Variants in CLTCL1 observed in about 807,000 individuals in gnomAD.
The protein encoded by CLTCL1 is clathrin heavy chain like 1, also known as clathrin heavy chain 2.
A neutral mutation model predicts 190.0 loss-of-function variants in CLTCL1; 159 were observed. The observed-to-expected ratio is 0.84, with a 90% CI of 0.74 to 0.95. The LOEUF (loss-of-function observed/expected upper bound fraction) is 0.95, where lower values mean the gene tolerates loss of function less well. CLTCL1 is among the 40% of genes least tolerant of loss of function. The probability of loss-of-function intolerance (pLI) is 0.00; values close to 1 mark genes in which losing one functional copy is unlikely to be tolerated. For synonymous variants in CLTCL1, 752 were observed against 769.6 expected (o/e 0.98, Z 0.38); for missense variants, 1,878 against 2,033.4 (o/e 0.92, Z 1.47).
At position 19,239,334 on chromosome 22, in the gene CLTCL1, TC is replaced by T; in HGVS notation, c.735del (p.Ala247GlnfsTer2). ...QPAAGNQPFVKKAVDVFFPPE... is the reference protein window; with the variant it reads ...QPAAGNQPFVXKAVDVFFPPE... ...GGAGGAAAAAACACATCTACTGCTT[TC>T]TTTACAAAAGGTTGGTTTCCCGCTG... On this transcript the variant is annotated frameshift_variant, in exon 5 of 33. Transcript: ENST00000427926. LOFTEE classifies it high-confidence loss of function. The T allele has an allele frequency of 6.2e-7, 1 of 1,614,072 alleles. No homozygotes were observed. The highest frequency in any genetic ancestry group is 8.5e-7 in the Non-Finnish European group (1 of 1,179,912).
rs574065781 is a variant in CLTCL1 at position 19,209,351 on chromosome 22, A to G, written c.3250-237T>C. The G allele has an allele frequency of 1.4e-5, 6 of 417,436 alleles. No homozygotes were observed. The East Asian group carries it at 2.3e-4, about 16-fold the overall frequency. The allele number at this position is 417,436 out of a possible 1,614,324, so 25.9% of individuals were successfully genotyped here. On this transcript the variant is annotated intron_variant, in intron 20 of 32. Coordinates refer to ENST00000427926, the MANE Select transcript of CLTCL1 (RefSeq NM_007098.4). ...GACACTCCAATAAAGAGGCACAGAG[A>G]TGGAGATAGCCAGGTTAAGCTTTCT...
rs189518522 is a variant in CLTCL1 at position 19,192,834 on chromosome 22, G to A, written c.4192-1399C>T. On this transcript the variant is annotated intron_variant, in intron 26 of 32. Transcript: ENST00000427926. ...GCCGCATCACAAAGCTTCACCTATG[G>A]CACTGGTGGGCCCCCAGACTCTGCC... 3.3e-5 allele frequency among the ~76,000 whole-genome samples: 5 copies of A among 152,316 alleles called. No individual in the cohort carries two copies. The East Asian group carries it at 9.6e-4, about 29-fold the overall frequency.
At position 19,271,119 on chromosome 22, in the gene CLTCL1, C is replaced by G. The variant is rs1031830567; in HGVS notation, c.250+4504G>C. On this transcript the variant is annotated intron_variant, in intron 2 of 32. Coordinates refer to ENST00000427926, the MANE Select transcript of CLTCL1 (RefSeq NM_007098.4). ...CCCACTGAGCTCAGTGCCAACTCTG[C>G]CGCACAGATACTAGATTAGCCTATA... is the stretch of plus-strand genomic sequence containing the variant. Among the ~76,000 whole-genome samples the G allele has an allele frequency of 2.0e-5, 3 of 151,834 alleles. No homozygotes were observed. The East Asian group carries it at 5.8e-4, about 30-fold the overall frequency.
At chr22:19,216,065 G>A (rs1555949248) in intron 19 of CLTCL1, 46 bp downstream of exon 19, 2 of 1,587,834 alleles carry the variant, frequency 1.3e-6, no homozygotes, top group African/African-American at 1.3e-5. Context: ...TCAAGCAGAT[G>A]TTTTGAATCT....
intron 1 of CLTCL1, among the ~76,000 whole-genome samples, chr22:19,282,359 C>T (rs1481908442): frequency 3.4e-5 from 5 of 145,832 alleles, no homozygotes; most frequent in South Asian, 2.2e-4. Flanking sequence ...GCAATGGGTT[C>T]GGGCGCAGTG....
At chr22:19,231,746 T>A (rs1315004761) in intron 10 of CLTCL1, among the ~76,000 whole-genome samples, 1 of 152,206 alleles carries the variant, frequency 6.6e-6, no homozygotes, top group Admixed American at 6.5e-5. Flanking sequence ...TATGAGAAGT[T>A]TATATTTTGA....
intron 4 of CLTCL1, 65 bp from the exon 5 acceptor site, chr22:19,239,453 G>A: frequency 4.3e-6 from 5 of 1,176,144 alleles, no homozygotes; most frequent in Non-Finnish European, 6.4e-6. Context: ...GCTAGTCAAG[G>A]CACAGAGGCA....
Position 19,242,898 on chromosome 22 carries a change from C to A in CLTCL1, c.558G>T (p.Val186=). Residue 186 remains valine, a synonymous_variant, in exon 4 of 33, where the codon GTG becomes GTT. Transcript: ENST00000427926. ...RVVGAMQLYS[V]DRKVSQPIEG... is the part of the protein sequence containing the mutation. ...CTATGGGTTGTGAAACCTTCCTATC[C>A]ACAGAGTAGAGCTGCATTGCTCCAA... The A allele has an allele frequency of 6.2e-7, 1 of 1,613,910 alleles. No individual in the cohort carries two copies. Among genetic ancestry groups the A allele is most frequent in the Non-Finnish European group, 8.5e-7 (1 of 1,179,860 alleles).
chr22:19,185,139 C>T (rs1354555728), intron 29 of CLTCL1, among the ~76,000 whole-genome samples: 2 of 152,248 alleles, frequency 1.3e-5, no homozygotes, highest in African/African-American at 4.8e-5. Context: ...CAGGCTCCTC[C>T]AGTGGCAGTG....
At chr22:19,208,025 G>A in intron 22 of CLTCL1, 129 bp downstream of exon 22, 1 of 1,083,324 alleles carries the variant, frequency 9.2e-7, no homozygotes, top group Non-Finnish European at 1.4e-6. Context: ...CCCCCGACCT[G>A]TCTGTGGAAA....
intron 22 of CLTCL1, among the ~76,000 whole-genome samples, chr22:19,201,790 G>T (rs1363473348): frequency 1.3e-5 from 2 of 152,108 alleles, no homozygotes; most frequent in African/African-American, 4.8e-5. Flanking sequence ...GGCTGAGGAG[G>T]TGTGCTCCTT....
chr22:19,212,581 G>A (rs1435913819), intron 19 of CLTCL1, among the ~76,000 whole-genome samples: 2 of 115,278 alleles, frequency 1.7e-5, no homozygotes, highest in Non-Finnish European at 3.7e-5. Context: ...AAGAAAGAAA[G>A]AAAGAGAAAG....
chr22:19,283,607 A>G (rs1601742204), intron 1 of CLTCL1, among the ~76,000 whole-genome samples: 1 of 152,140 alleles, frequency 6.6e-6, no homozygotes, highest in Non-Finnish European at 1.5e-5. Flanking sequence ...AATGGCATAT[A>G]TAAGATTTAA....
At chr22:19,272,893 C>G (rs945310518) in intron 2 of CLTCL1, among the ~76,000 whole-genome samples, 20 of 152,190 alleles carry the variant, frequency 1.3e-4, no homozygotes, top group African/African-American at 4.8e-4. Flanking sequence ...ATTCTCCAGC[C>G]TTGGCCTCCC....
chr22:19,262,167 A>G (rs540803050), intron 2 of CLTCL1, among the ~76,000 whole-genome samples: 13 of 152,026 alleles, frequency 8.6e-5, no homozygotes, highest in East Asian at 5.9e-4. Context: ...CTGGGACTAC[A>G]GGAGCGTGCC....
chr22:19,226,168 T>C, intron 12 of CLTCL1, 51 bp downstream of exon 12: 1 of 1,581,982 alleles, frequency 6.3e-7, no homozygotes, highest in South Asian at 1.1e-5. Context: ...GCATGTGACA[T>C]TAATTGCATA....
At chr22:19,273,717 G>A (rs2087401040) in intron 2 of CLTCL1, among the ~76,000 whole-genome samples, 1 of 152,072 alleles carries the variant, frequency 6.6e-6, no homozygotes, top group Non-Finnish European at 1.5e-5. Context: ...AATTTATTGA[G>A]ATACGCAATC....
chr22:19,263,173 G>A (rs2087007956), intron 2 of CLTCL1, among the ~76,000 whole-genome samples: 1 of 151,438 alleles, frequency 6.6e-6, no homozygotes. Flanking sequence ...CTGACATGCA[G>A]TCATCAGACT....
At chr22:19,242,206 C>T (rs868923380) in intron 4 of CLTCL1, among the ~76,000 whole-genome samples, 3 of 151,846 alleles carry the variant, frequency 2.0e-5, no homozygotes, top group Middle Eastern at 3.4e-3. Context: ...GCCTCCCAAA[C>T]TGCTAGGATT....
Sources: gnomAD v4.1 joint callset for allele counts (sites outside exome capture counted in the v4.1 genomes callset) on GRCh38, gnomAD v4.1.1 for gene constraint, MANE v1.5 for transcripts, NCBI Gene and HGNC (gene_info 2026-07-23, HGNC 2026-07-21) for gene names.